Variants in ITGA11 observed in about 807,000 individuals in gnomAD.
ITGA11 encodes the protein integrin subunit alpha 11.
ITGA11 carries 97 observed loss-of-function variants against 141.9 expected under a neutral mutation model. The observed-to-expected ratio is 0.68, with a 90% confidence interval of 0.58 to 0.81. The LOEUF is 0.81. ITGA11 is among the 30% of genes least tolerant of loss of function. The probability of loss-of-function intolerance (pLI) is 0.00; values close to 1 mark genes in which losing one functional copy is unlikely to be tolerated. For missense variants in ITGA11, 1,387 were observed against 1,559.2 expected (o/e 0.89, Z 1.86); for synonymous variants, 658 against 624.6 (o/e 1.05, Z -0.80).
chr15:68,393,784 G>T (rs536117675), intron 2 of ITGA11, among the ~76,000 whole-genome samples: 1 of 152,088 alleles, frequency 6.6e-6, no homozygotes, highest in Non-Finnish European at 1.5e-5. Context: ...TAAAAGAGAC[G>T]AAGAACACCA....
intron 4 of ITGA11, 70 bp downstream of exon 4, chr15:68,364,637 G>A: frequency 1.1e-6 from 1 of 947,062 alleles, no homozygotes; most frequent in Non-Finnish European, 1.7e-6. Flanking sequence ...GGTGTGTAAG[G>A]AGACGCTCCA....
In ITGA11 at chr15:68,324,194, G is replaced by T. The variant is rs1893898739; in HGVS notation, c.2322+937C>A. On this transcript the variant is annotated intron_variant, in intron 18 of 29. Coordinates refer to ENST00000315757, the MANE Select transcript of ITGA11 (RefSeq NM_001004439.2). The surrounding 1 kb of genome is among the most constrained non-coding windows in gnomAD (Gnocchi z 6.3). The stretch of plus-strand genomic sequence containing the variant: ...GGGACTGTGGGAGGCCTGGGGAGAG[G>T]GGTGTGGAGGGGCTGTGGGGGATGA... Among the ~76,000 whole-genome samples, 1 of 152,076 alleles carries T rather than the reference G, an allele frequency of 6.6e-6. No individual in the cohort carries two copies. Among genetic ancestry groups the T allele is most frequent in the Non-Finnish European group, 1.5e-5 (1 of 68,012 alleles).
intron 1 of ITGA11, among the ~76,000 whole-genome samples, chr15:68,407,876 C>T (rs1296439144): frequency 6.6e-6 from 1 of 152,228 alleles, no homozygotes; most frequent in Non-Finnish European, 1.5e-5. Context: ...CAGTCCTGGT[C>T]CCAGGTGCTG....
rs757742718 is a variant in ITGA11 at position 68,325,046 on chromosome 15, C to T, written c.2322+85G>A. 1.0e-4 allele frequency: 100 copies of T among 986,744 alleles called. No homozygotes were observed. Among genetic ancestry groups the T allele is most frequent in the Non-Finnish European group, 1.5e-4 (95 of 613,274 alleles). 61.1% of individuals were successfully genotyped at this position (986,744 alleles called of 1,614,324 possible). A position where few individuals can be genotyped will look rare whatever the true frequency, so the allele number is the denominator to read the frequency against. ...GAGGGATGGTGTCCTCTGTACCCGG[C>T]ACACTCAGGCTCTGGGCTTTGGGGT... On this transcript the variant is annotated intron_variant, in intron 18 of 29. Transcript: ENST00000315757. This position sits in a 1 kb window ranked among gnomAD's most constrained non-coding sequence, Gnocchi z 5.5.
intron 22 of ITGA11, among the ~76,000 whole-genome samples, chr15:68,315,415 TTATTTATCATCC>T (rs1405302253): frequency 2.0e-5 from 3 of 152,212 alleles, no homozygotes; most frequent in Non-Finnish European, 2.9e-5. Context: ...GCTGACATTA[TTATTTATCATCC>T]AAAGAATGAA....
At chr15:68,374,429 G>A (rs1895675649) in intron 2 of ITGA11, among the ~76,000 whole-genome samples, 1 of 152,172 alleles carries the variant, frequency 6.6e-6, no homozygotes, top group Non-Finnish European at 1.5e-5. Flanking sequence ...AGCCTCAAAT[G>A]TGGGATCCAA....
rs543821075 is a variant in ITGA11, at chr15:68,389,307, G to A, written c.164+13611C>T. On this transcript the variant is annotated intron_variant, in intron 2 of 29. Transcript: ENST00000315757. ...TGTGAACATACGCCTTCTGTTCCAGGTTGGGCAGCACTTGATCTCCCACCA... is the reference window on the plus strand; with the variant it reads ...TGTGAACATACGCCTTCTGTTCCAGATTGGGCAGCACTTGATCTCCCACCA... 2.0e-5 allele frequency among the ~76,000 whole-genome samples: 3 copies of A among 152,350 alleles called. No homozygotes were observed. The East Asian group carries it at 5.8e-4, about 29-fold the overall frequency.
chr15:68,372,044 G>A (rs981553569), intron 2 of ITGA11, among the ~76,000 whole-genome samples: 6 of 152,192 alleles, frequency 3.9e-5, no homozygotes, highest in African/African-American at 7.2e-5. Context: ...GGCCCCAAGA[G>A]GGGAGCTGAC....
At chr15:68,312,933 AG>A in intron 23 of ITGA11, 70 bp from the exon 24 acceptor site, 1 of 1,165,384 alleles carries the variant, frequency 8.6e-7, no homozygotes, top group African/African-American at 1.5e-5. Context: ...TGAATGAAAG[AG>A]GGAGAGGGCA....
At chr15:68,388,415 G>C (rs946723932) in intron 2 of ITGA11, among the ~76,000 whole-genome samples, 2 of 151,992 alleles carry the variant, frequency 1.3e-5, no homozygotes, top group Non-Finnish European at 2.9e-5. Flanking sequence ...TAGACAGCCT[G>C]TATAAAGTTG....
chr15:68,301,958 C>G lies in ITGA11; in HGVS notation c.*1101G>C, dbSNP rs912976243. 1 of 152,792 alleles carries G rather than the reference C, an allele frequency of 6.5e-6. No individual in the cohort carries two copies. The highest frequency in any genetic ancestry group is 1.5e-5 in the Non-Finnish European group (1 of 68,110). The allele number at this position is 152,792 out of a possible 1,614,324, so 9.5% of individuals were successfully genotyped here. On this transcript the variant is annotated 3_prime_UTR_variant, in exon 30 of 30. Transcript: ENST00000315757. This position sits in a 1 kb window ranked among gnomAD's most constrained non-coding sequence, Gnocchi z 4.4. The stretch of plus-strand genomic sequence containing the variant: ...GCTGCACAGGCTCCGGGAGTCCTTG[C>G]ACGTGCTTTATTCAGTGCATTCCAG...
chr15:68,311,084 C>A lies in ITGA11; in HGVS notation c.3088-4G>T. 6.2e-7 allele frequency: 1 copy of A among 1,601,254 alleles called. No homozygotes were observed. Among genetic ancestry groups the A allele is most frequent in the Non-Finnish European group, 8.5e-7 (1 of 1,172,280 alleles). ...AGATGTTACAGGACGTGTTCGCCTA[C>A]ATAAAGGACATGGACACACACACAC... On this transcript the variant is annotated splice_polypyrimidine_tract_variant and splice_region_variant and intron_variant, in intron 25 of 29. Transcript: ENST00000315757.
intron 10 of ITGA11, among the ~76,000 whole-genome samples, chr15:68,347,700 C>T (rs1894782429): frequency 6.6e-6 from 1 of 152,096 alleles, no homozygotes; most frequent in African/African-American, 2.4e-5. Flanking sequence ...AATATTTTTT[C>T]TGAAGAATTT....
intron 19 of ITGA11, among the ~76,000 whole-genome samples, chr15:68,320,676 TC>T (rs1274743991): frequency 6.6e-6 from 1 of 152,172 alleles, no homozygotes; most frequent in Non-Finnish European, 1.5e-5. Context: ...GCATCACCAC[TC>T]CGCACATCAT....
At chr15:68,418,005 G>A (rs188026205) in intron 1 of ITGA11, among the ~76,000 whole-genome samples, 98 of 152,354 alleles carry the variant, frequency 6.4e-4, no homozygotes, top group African/African-American at 2.3e-3. Flanking sequence ...AGGGACTAAT[G>A]TGTGCTGGAG....
At chr15:68,416,352 T>C (rs570767097) in intron 1 of ITGA11, among the ~76,000 whole-genome samples, 1 of 152,194 alleles carries the variant, frequency 6.6e-6, no homozygotes, top group South Asian at 2.1e-4. Context: ...GCAGGTGGCA[T>C]GTAGGCTGAA....
At chr15:68,400,692 T>A (rs1274355592) in intron 2 of ITGA11, among the ~76,000 whole-genome samples, 1 of 37,618 alleles carries the variant, frequency 2.7e-5, no homozygotes, top group Non-Finnish European at 4.1e-5. Flanking sequence ...AATATTATAT[T>A]ATATATTATA....
rs1052792153 is a variant in ITGA11, at chr15:68,307,793, A to G, written c.3175-97T>C. On this transcript the variant is annotated intron_variant, in intron 26 of 29. Coordinates refer to ENST00000315757, the MANE Select transcript of ITGA11 (RefSeq NM_001004439.2). This position sits in a 1 kb window ranked among gnomAD's most constrained non-coding sequence, Gnocchi z 6.1. The stretch of plus-strand genomic sequence containing the variant: ...CGACTGGGGCTCTGCTCCTGGGGGC[A>G]GGGGCAGAGGACAGGGGACAAAGAG... The G allele has an allele frequency of 2.7e-5, 21 of 768,382 alleles. No individual in the cohort carries two copies. Among genetic ancestry groups the G allele is most frequent in the Admixed American group, 4.7e-5 (2 of 42,180 alleles). 47.6% of individuals were successfully genotyped at this position (768,382 alleles called of 1,614,324 possible).
intron 3 of ITGA11, among the ~76,000 whole-genome samples, chr15:68,367,136 C>T (rs1002805819): frequency 1.3e-5 from 2 of 152,216 alleles, no homozygotes; most frequent in African/African-American, 2.4e-5. Context: ...TTGCTACCCA[C>T]TGCCTCCTAG....
Sources: gnomAD v4.1 joint callset for allele counts (sites outside exome capture counted in the v4.1 genomes callset) on GRCh38, gnomAD v4.1.1 for gene constraint, Gnocchi (gnomAD v3.1) non-coding constraint, MANE v1.5 for transcripts, NCBI Gene and HGNC (gene_info 2026-07-23, HGNC 2026-07-21) for gene names.